Variants in INSC observed in about 807,000 individuals in gnomAD.
INSC encodes the protein protein inscuteable homolog.
A neutral mutation model predicts 58.6 loss-of-function variants in INSC; 67 were observed. The observed-to-expected ratio is 1.14, with a 90% confidence interval of 0.94 to 1.40. The LOEUF is 1.40. Ranked by LOEUF, INSC falls within the 40% of genes most tolerant of loss-of-function variation. The probability of loss-of-function intolerance (pLI) is 0.00; values close to 1 mark genes in which losing one functional copy is unlikely to be tolerated. For synonymous variants in INSC, 262 were observed against 276.1 expected, an observed-to-expected ratio of 0.95 and a Z score of 0.51; for missense variants, 714 against 692.0, an observed-to-expected ratio of 1.03 and a Z score of -0.36.
intron 6 of INSC, among the ~76,000 whole-genome samples, chr11:15,196,956 C>T (rs928818500): frequency 6.6e-6 from 1 of 152,168 alleles, no homozygotes; most frequent in Non-Finnish European, 1.5e-5. Context: ...CCCTCCTCTT[C>T]CTCTTCCTCC....
At chr11:15,201,639 G>A (rs961290930) in intron 7 of INSC, among the ~76,000 whole-genome samples, 4 of 152,180 alleles carry the variant, frequency 2.6e-5, no homozygotes, top group South Asian at 4.1e-4. Flanking sequence ...CTGAGCTTGC[G>A]GATAGGCTCT....
chr11:15,259,351 GA>G, the INSC span, among the ~76,000 whole-genome samples: 1 of 152,022 alleles, frequency 6.6e-6, no homozygotes, highest in African/African-American at 2.4e-5. Context: ...GGAACTATCT[GA>G]AAAAAATTAA....
intron 6 of INSC, among the ~76,000 whole-genome samples, chr11:15,200,560 C>T (rs143923002): frequency 1.2e-3 from 175 of 152,140 alleles, no homozygotes; most frequent in African/African-American, 4.0e-3. Context: ...CCTGCCTTGG[C>T]CCCTGGCTCC....
chr11:15,154,602 G>T (rs1248042240), intron 2 of INSC, among the ~76,000 whole-genome samples: 1 of 152,184 alleles, frequency 6.6e-6, no homozygotes, highest in Non-Finnish European at 1.5e-5. Context: ...CCCTGCAGGA[G>T]AGCACAGTGC....
In INSC at chr11:15,200,888, A is replaced by G; in HGVS notation, c.758A>G (p.Gln253Arg). Residue 253 changes from glutamine to arginine, a missense_variant, in exon 7 of 13, where the codon CAG (glutamine) becomes CGG (arginine). Transcript: ENST00000379556. ...RQDSFRCLYP[Q>R]ALRTLASICC... ...GACAGTTTCCGGTGCTTGTACCCCC[A>G]GGCGCTCCGCACGCTGGCCTCCATC... 2 of 1,613,818 alleles carry G rather than the reference A, an allele frequency of 1.2e-6. No homozygotes were observed. The highest frequency in any genetic ancestry group is 2.2e-5 in the South Asian group (2 of 91,044).
chr11:15,152,580 G>A (rs1442437135), intron 2 of INSC, among the ~76,000 whole-genome samples: 2 of 152,194 alleles, frequency 1.3e-5, no homozygotes, highest in Admixed American at 6.5e-5. Flanking sequence ...AAAGCTTGTC[G>A]TCCATGCTGC....
intron 7 of INSC, among the ~76,000 whole-genome samples, chr11:15,206,755 C>T (rs1850816449): frequency 6.6e-6 from 1 of 152,178 alleles, no homozygotes; most frequent in Admixed American, 6.5e-5. Context: ...GCTTCATCTT[C>T]TGTAAAATGG....
chr11:15,225,940 T>C, intron 9 of INSC, 112 bp downstream of exon 9: 1 of 1,082,958 alleles, frequency 9.2e-7, no homozygotes, highest in Non-Finnish European at 1.3e-6. Context: ...TCCTGTTAGT[T>C]TTGCATGCTG....
intron 12 of INSC, among the ~76,000 whole-genome samples, chr11:15,242,183 C>T (rs1852380930): frequency 6.6e-6 from 1 of 152,172 alleles, no homozygotes; most frequent in Non-Finnish European, 1.5e-5. Context: ...ACTGAATAGG[C>T]CCTGAGGAAA....
intron 5 of INSC, among the ~76,000 whole-genome samples, chr11:15,189,227 G>C (rs1302287220): frequency 2.6e-5 from 4 of 152,122 alleles, no homozygotes; most frequent in Admixed American, 2.6e-4. Flanking sequence ...AACTGTACAA[G>C]ATCACAAAAC....
At chr11:15,144,825 C>T (rs78808538) in intron 1 of INSC, among the ~76,000 whole-genome samples, 1,805 of 152,276 alleles carry the variant, frequency 0.012, 18 homozygotes, top group South Asian at 0.046. Context: ...GGGATGTGGG[C>T]GCAGAGATGA....
At chr11:15,213,124 G>A (rs567722570) in intron 7 of INSC, among the ~76,000 whole-genome samples, 1 of 150,716 alleles carries the variant, frequency 6.6e-6, no homozygotes, top group African/African-American at 2.4e-5. Flanking sequence ...GGATGTCCAT[G>A]AGAGTTACTT....
chr11:15,178,414 G>T lies in INSC; in HGVS notation c.546G>T (p.Gln182His). Residue 182 changes from glutamine to histidine, a missense_variant, in exon 5 of 13, where the codon CAG becomes CAT. Transcript: ENST00000379556. Reference sequence around the variant, plus strand: ...GCATGCTGGGCCAGCACTTTGGTCAGCTGCTGGAGCTGGCCCTGACACGGG... The same window carrying T: ...GCATGCTGGGCCAGCACTTTGGTCATCTGCTGGAGCTGGCCCTGACACGGG... ...TLSMLGQHFG[Q>H]LLELALTREV... 1 of 1,612,506 alleles carries T rather than the reference G, an allele frequency of 6.2e-7. No individual in the cohort carries two copies.
chr11:15,209,786 G>A (rs1306078761), intron 7 of INSC, among the ~76,000 whole-genome samples: 1 of 152,034 alleles, frequency 6.6e-6, no homozygotes, highest in Non-Finnish European at 1.5e-5. Context: ...CCACATTCCC[G>A]AGATCAACCA....
At chr11:15,229,972 ATAT>A (rs1487358369) in intron 9 of INSC, among the ~76,000 whole-genome samples, 854 of 13,476 alleles carry the variant, frequency 0.063, 75 homozygotes, top group African/African-American at 0.19. Flanking sequence ...ATATATATAT[ATAT>A]ATATTATATA....
chr11:15,171,068 G>A (rs903127746), intron 2 of INSC, among the ~76,000 whole-genome samples: 1 of 152,182 alleles, frequency 6.6e-6, no homozygotes, highest in African/African-American at 2.4e-5. Context: ...TTGGGGTGGA[G>A]GGCTTGACAA....
intron 7 of INSC, among the ~76,000 whole-genome samples, chr11:15,215,481 C>T (rs1478115703): frequency 1.3e-5 from 2 of 152,204 alleles, no homozygotes; most frequent in Non-Finnish European, 2.9e-5. Context: ...TTCCTCTTCT[C>T]CCCAGAGGCC....
the INSC span, among the ~76,000 whole-genome samples, chr11:15,254,487 T>C: frequency 1.3e-5 from 2 of 152,354 alleles, no homozygotes; most frequent in South Asian, 4.1e-4. Flanking sequence ...TAGACTGTTG[T>C]GGACTTGAAT....
At chr11:15,263,161 A>G in the INSC span, among the ~76,000 whole-genome samples, 3 of 152,176 alleles carry the variant, frequency 2.0e-5, no homozygotes, top group African/African-American at 7.2e-5. Flanking sequence ...ATATCTGAAA[A>G]GGTGTACATT....
Sources: gnomAD v4.1 joint callset for allele counts (sites outside exome capture counted in the v4.1 genomes callset) on GRCh38, gnomAD v4.1.1 for gene constraint, MANE v1.5 for transcripts, NCBI Gene and HGNC (gene_info 2026-07-23, HGNC 2026-07-21) for gene names.